DNER: variants seen among roughly 807,000 people sequenced by gnomAD.
DNER encodes the protein delta/notch like EGF repeat containing.
A neutral mutation model predicts 78.2 loss-of-function variants in DNER; 33 were observed. The observed-to-expected ratio is 0.42, with a 90% CI of 0.32 to 0.56. The LOEUF (loss-of-function observed/expected upper bound fraction) is 0.56. Ranked by LOEUF, DNER falls within the 20% of genes least tolerant of loss-of-function variation. DNER has a pLI of 0.11. For missense variants in DNER, 918 were observed against 975.3 expected (o/e 0.94, Z 0.78); for synonymous variants, 417 against 384.8 (o/e 1.08, Z -0.98).
chr2:229,564,603 T>C (rs915280350), intron 4 of DNER, among the ~76,000 whole-genome samples: 1 of 149,060 alleles, frequency 6.7e-6, no homozygotes, highest in Non-Finnish European at 1.5e-5. Context: ...ATCATCATCA[T>C]CCTCACCACA....
At chr2:229,438,803 C>T (rs767737567) in intron 8 of DNER, among the ~76,000 whole-genome samples, 41 of 152,180 alleles carry the variant, frequency 2.7e-4, no homozygotes, top group Non-Finnish European at 5.6e-4. Flanking sequence ...CTGATTTCAC[C>T]ACTATGCAAT....
chr2:229,408,179 G>A (rs1380993780), intron 9 of DNER, among the ~76,000 whole-genome samples: 1 of 152,074 alleles, frequency 6.6e-6, no homozygotes, highest in Non-Finnish European at 1.5e-5. Context: ...GTGTGTGCAT[G>A]TATGTACGCA....
At chr2:229,401,207 T>C (rs567100431) in intron 10 of DNER, among the ~76,000 whole-genome samples, 1 of 152,116 alleles carries the variant, frequency 6.6e-6, no homozygotes, top group East Asian at 1.9e-4. Context: ...AGAAACTGAA[T>C]CACTCAGACA....
intron 7 of DNER, among the ~76,000 whole-genome samples, chr2:229,476,105 G>GCA (rs903632755): frequency 1.3e-5 from 2 of 152,184 alleles, no homozygotes; most frequent in Non-Finnish European, 2.9e-5. Flanking sequence ...CTCATCACCA[G>GCA]CACACAGAGA....
chr2:229,376,480 C>T (rs1692603729), intron 11 of DNER, among the ~76,000 whole-genome samples: 1 of 152,166 alleles, frequency 6.6e-6, no homozygotes, highest in Non-Finnish European at 1.5e-5. Context: ...CAAACTAAGA[C>T]AGGTGCATAT....
At chr2:229,595,988 T>A (rs1257020410) in intron 1 of DNER, among the ~76,000 whole-genome samples, 6 of 152,290 alleles carry the variant, frequency 3.9e-5, no homozygotes, top group African/African-American at 1.2e-4. Flanking sequence ...TTCCTTGCTT[T>A]TTTTTTTCTA....
chr2:229,437,603 A>T (rs1305478427), intron 8 of DNER, among the ~76,000 whole-genome samples: 1 of 152,150 alleles, frequency 6.6e-6, no homozygotes, highest in African/African-American at 2.4e-5. Flanking sequence ...CTCAAACATC[A>T]CCTATAATGG....
chr2:229,379,117 A>G (rs917227311), intron 11 of DNER, among the ~76,000 whole-genome samples: 4 of 152,192 alleles, frequency 2.6e-5, no homozygotes, highest in Admixed American at 1.3e-4. Flanking sequence ...TGTGTAATGT[A>G]CCCTATCACA....
At chr2:229,391,296 C>A (rs577847903) in intron 10 of DNER, among the ~76,000 whole-genome samples, 1 of 152,272 alleles carries the variant, frequency 6.6e-6, no homozygotes, top group Non-Finnish European at 1.5e-5. Context: ...TATAAGAGTT[C>A]TTAGTATACA....
chr2:229,521,468 C>A (rs1335812280), intron 5 of DNER, among the ~76,000 whole-genome samples: 1 of 152,148 alleles, frequency 6.6e-6, no homozygotes, highest in Non-Finnish European at 1.5e-5. Flanking sequence ...GCTGTGGGAA[C>A]CAGACAGGAC....
intron 5 of DNER, among the ~76,000 whole-genome samples, chr2:229,546,218 G>A (rs1021091098): frequency 2.0e-5 from 3 of 152,172 alleles, no homozygotes; most frequent in Non-Finnish European, 4.4e-5. Flanking sequence ...TCTTGCTAAT[G>A]TATACAGTGC....
chr2:229,636,712 A>G (rs1698537031), intron 1 of DNER, among the ~76,000 whole-genome samples: 1 of 152,140 alleles, frequency 6.6e-6, no homozygotes, highest in South Asian at 2.1e-4. Context: ...TTCCCCCTCT[A>G]CTTAGGCACA....
chr2:229,387,505 A>G (rs74645145), intron 11 of DNER, among the ~76,000 whole-genome samples: 1,994 of 86,986 alleles, frequency 0.023, 31 homozygotes, highest in East Asian at 0.047. Flanking sequence ...GAAAGAAAGA[A>G]AGAGAGAAAG....
intron 8 of DNER, among the ~76,000 whole-genome samples, chr2:229,445,384 G>A (rs1194340307): frequency 1.3e-5 from 2 of 152,182 alleles, no homozygotes; most frequent in African/African-American, 4.8e-5. Flanking sequence ...AAACACAGTG[G>A]AGAAACTGTT....
chr2:229,671,888 G>A (rs1274673258), intron 1 of DNER, among the ~76,000 whole-genome samples: 1 of 152,218 alleles, frequency 6.6e-6, no homozygotes, highest in African/African-American at 2.4e-5. Flanking sequence ...ACTGAGTGTA[G>A]TGCCTGGTGC....
At chr2:229,458,135 C>CAAAAAAAAAAAA (rs61340733) in intron 7 of DNER, among the ~76,000 whole-genome samples, 1 of 17,718 alleles carries the variant, frequency 5.6e-5, no homozygotes, top group African/African-American at 2.1e-4. Flanking sequence ...GACTCTATCT[C>CAAAAAAAAAAAA]AAAAAAAAAA....
chr2:229,684,616 C>A (rs1342806177), intron 1 of DNER, among the ~76,000 whole-genome samples: 1 of 152,142 alleles, frequency 6.6e-6, no homozygotes, highest in Non-Finnish European at 1.5e-5. Context: ...CTGTCTTCCC[C>A]TCTAGAGCTG....
intron 1 of DNER, among the ~76,000 whole-genome samples, chr2:229,707,658 G>C (rs1219556059): frequency 6.6e-6 from 1 of 152,204 alleles, no homozygotes; most frequent in East Asian, 1.9e-4. Context: ...GGGGAGAAGA[G>C]AGCAGAGATT....
At chr2:229,366,350 CCT>C (rs1692346714) in intron 12 of DNER, among the ~76,000 whole-genome samples, 1 of 152,168 alleles carries the variant, frequency 6.6e-6, no homozygotes, top group African/African-American at 2.4e-5. Flanking sequence ...CAAAGCTATA[CCT>C]CACCAGAACT....
Sources: gnomAD v4.1 joint callset for allele counts (sites outside exome capture counted in the v4.1 genomes callset) on GRCh38, gnomAD v4.1.1 for gene constraint, MANE v1.5 for transcripts, NCBI Gene and HGNC (gene_info 2026-07-23, HGNC 2026-07-21) for gene names.